The following CRPPA variants were observed in gnomAD, a reference collection of about 807,000 sequenced individuals.
The protein encoded by CRPPA is CDP-L-ribitol pyrophosphorylase A.
A neutral mutation model predicts 52.0 loss-of-function variants in CRPPA; 43 were observed. The observed-to-expected ratio is 0.83, with a 90% CI of 0.65 to 1.07. The LOEUF (loss-of-function observed/expected upper bound fraction) is 1.07, where lower values mean the gene tolerates loss of function less well. Ranked by LOEUF, CRPPA falls within the 50% of genes least tolerant of loss-of-function variation. The pLI is 0.00. For missense variants in CRPPA, 629 were observed against 551.7 expected (o/e 1.14, Z -1.40); for synonymous variants, 250 against 203.5 (o/e 1.23, Z -1.94).
rs1781832229 is a variant in CRPPA at position 16,091,323 on chromosome 7, T to G, written c.*372A>C. 5.8e-6 allele frequency: 1 copy of G among 172,438 alleles called. No homozygotes were observed. The highest frequency in any genetic ancestry group is 1.4e-4 in the South Asian group (1 of 7,166). The allele number at this position is 172,438 out of a possible 1,614,324, so 10.7% of individuals were successfully genotyped here. ...CCATTAGCTTCATAATAGTGTAAAT[T>G]ATTAATTAACAGTTAGGATAATAAC... On this transcript the variant is annotated 3_prime_UTR_variant, in exon 10 of 10. Transcript: ENST00000407010.
At chr7:16,176,753 C>CA (rs35383612) in intron 9 of CRPPA, among the ~76,000 whole-genome samples, 62,190 of 151,434 alleles carry the variant, frequency 0.41, 13,552 homozygotes, top group South Asian at 0.62. Flanking sequence ...AATTATTCTC[C>CA]TAAAGTTAAA....
chr7:16,242,980 TAATC>T (rs1225918918), intron 8 of CRPPA, among the ~76,000 whole-genome samples: 1 of 152,202 alleles, frequency 6.6e-6, no homozygotes, highest in African/African-American at 2.4e-5. Context: ...TTACTTCAAG[TAATC>T]AATATCACCA....
At chr7:16,304,066 C>G (rs1784852256) in intron 4 of CRPPA, among the ~76,000 whole-genome samples, 1 of 151,992 alleles carries the variant, frequency 6.6e-6, no homozygotes, top group Admixed American at 6.6e-5. Context: ...TAGTAAGAGA[C>G]CAAGTTAATT....
intron 3 of CRPPA, among the ~76,000 whole-genome samples, chr7:16,359,958 A>G (rs1174853527): frequency 6.6e-6 from 1 of 152,094 alleles, no homozygotes; most frequent in African/African-American, 2.4e-5. Context: ...TAACAACTCT[A>G]TTATTGTTGT....
chr7:16,149,082 A>T (rs1783027085), intron 9 of CRPPA, among the ~76,000 whole-genome samples: 1 of 152,170 alleles, frequency 6.6e-6, no homozygotes, highest in Admixed American at 6.5e-5. Flanking sequence ...CATGAATCCT[A>T]GCCAATAAAC....
At chr7:16,143,220 T>G (rs1402689325) in intron 9 of CRPPA, among the ~76,000 whole-genome samples, 1 of 152,088 alleles carries the variant, frequency 6.6e-6, no homozygotes, top group African/African-American at 2.4e-5. Context: ...TTTTCCTCTC[T>G]GGGAGTGAAG....
chr7:16,310,081 T>A (rs1260834402), intron 3 of CRPPA, among the ~76,000 whole-genome samples: 1 of 152,050 alleles, frequency 6.6e-6, no homozygotes, highest in Admixed American at 6.6e-5. Context: ...AGTAGCAAGA[T>A]GATTTTAGAC....
intron 9 of CRPPA, among the ~76,000 whole-genome samples, chr7:16,153,892 T>C (rs1336773365): frequency 6.6e-6 from 1 of 152,054 alleles, no homozygotes; most frequent in Non-Finnish European, 1.5e-5. Flanking sequence ...ATTTTAATTT[T>C]TTAATGAAAA....
At chr7:16,208,118 C>G (rs1390888472) in intron 9 of CRPPA, among the ~76,000 whole-genome samples, 1 of 152,090 alleles carries the variant, frequency 6.6e-6, no homozygotes, top group Non-Finnish European at 1.5e-5. Context: ...CTTCACTAAC[C>G]TGAATCAAAA....
chr7:16,286,101 T>G lies in CRPPA; in HGVS notation c.836-7875A>C, dbSNP rs979506336. 8.6e-4 allele frequency among the ~76,000 whole-genome samples: 59 copies of G among 68,820 alleles called. 5 individuals carry two copies. The highest frequency in any genetic ancestry group is 3.5e-3 in the African/African-American group (56 of 15,946). The allele number at this position is 68,820 out of a possible 152,430, so 45.1% of individuals were successfully genotyped here. A position where few individuals can be genotyped will look rare whatever the true frequency, so the allele number is the denominator to read the frequency against. ...TATATAATATTTAAAAAAAAAAATA[T>G]ATATATATATATATATGCCAAAAAG... On this transcript the variant is annotated intron_variant, in intron 5 of 9. Coordinates refer to ENST00000407010, the MANE Select transcript of CRPPA (RefSeq NM_001101426.4).
rs1781754498 is a variant in CRPPA, at chr7:16,088,852, G to T, written c.*2843C>A. ...CTCCAGGACTTTCACCTAGTCCCTG[G>T]ACATAAGTGTCCCACCCTTCTTGTC... On this transcript the variant is annotated 3_prime_UTR_variant, in exon 10 of 10. Coordinates refer to ENST00000407010, the MANE Select transcript of CRPPA (RefSeq NM_001101426.4). 5.8e-6 allele frequency: 1 copy of T among 171,706 alleles called. No individual in the cohort carries two copies. Among genetic ancestry groups the T allele is most frequent in the Non-Finnish European group, 1.3e-5 (1 of 77,930 alleles). 10.6% of individuals were successfully genotyped at this position (171,706 alleles called of 1,614,324 possible). A position where few individuals can be genotyped will look rare whatever the true frequency, so the allele number is the denominator to read the frequency against.
chr7:16,115,934 G>A (rs930870865), intron 9 of CRPPA, among the ~76,000 whole-genome samples: 7 of 152,116 alleles, frequency 4.6e-5, no homozygotes, highest in Admixed American at 4.6e-4. Context: ...ATCTTTATTG[G>A]AAAATTCCAA....
chr7:16,205,256 A>T (rs1781948620), intron 9 of CRPPA, among the ~76,000 whole-genome samples: 1 of 152,174 alleles, frequency 6.6e-6, no homozygotes, highest in African/African-American at 2.4e-5. Flanking sequence ...AATTAACCTG[A>T]TGTAACCCTG....
At chr7:16,155,573 C>G (rs1187650164) in intron 9 of CRPPA, among the ~76,000 whole-genome samples, 3 of 152,206 alleles carry the variant, frequency 2.0e-5, no homozygotes, top group African/African-American at 7.2e-5. Context: ...TGATCTGCTT[C>G]CATTTGAGGA....
At position 16,328,877 on chromosome 7, in the gene CRPPA, G is replaced by T. The variant is rs561640355; in HGVS notation, c.685-20250C>A. Among the ~76,000 whole-genome samples, 389 of 152,088 alleles carry T rather than the reference G, an allele frequency of 2.6e-3. 2 individuals carry two copies. Among genetic ancestry groups the T allele is most frequent in the African/African-American group, 8.8e-3 (364 of 41,480 alleles). Reference sequence around the variant, plus strand: ...GAGAGAGAATATATGGCAATTTGGGGTTTCTTTTAAACATGATAGCCTGCC... The same window carrying T: ...GAGAGAGAATATATGGCAATTTGGGTTTTCTTTTAAACATGATAGCCTGCC... On this transcript the variant is annotated intron_variant, in intron 3 of 9. Transcript: ENST00000407010.
intron 2 of CRPPA, among the ~76,000 whole-genome samples, chr7:16,389,345 A>G (rs1027878802): frequency 2.0e-5 from 3 of 152,242 alleles, no homozygotes; most frequent in Admixed American, 2.0e-4. Context: ...AAACAGATGC[A>G]AAAATTCTCA....
chr7:16,398,474 T>C (rs924899436), intron 2 of CRPPA, among the ~76,000 whole-genome samples: 5 of 151,926 alleles, frequency 3.3e-5, no homozygotes, highest in Non-Finnish European at 7.4e-5. Flanking sequence ...GCGATTGACA[T>C]GATTGGCACA....
chr7:16,241,345 C>A, intron 8 of CRPPA, among the ~76,000 whole-genome samples: 1 of 152,010 alleles, frequency 6.6e-6, no homozygotes, highest in East Asian at 1.9e-4. Context: ...TATTAAAATT[C>A]CCCCTGGTAA....
chr7:16,210,089 ACCCTATG>A (rs1327287365), intron 9 of CRPPA, among the ~76,000 whole-genome samples: 1 of 152,114 alleles, frequency 6.6e-6, no homozygotes, highest in Admixed American at 6.6e-5. Context: ...CCTTTCTAAC[ACCCTATG>A]CCCTCTTCCA....
Sources: allele counts gnomAD v4.1 joint callset (sites outside exome capture counted in the v4.1 genomes callset), GRCh38; gene constraint gnomAD v4.1.1; transcripts MANE v1.5; gene names NCBI Gene and HGNC (gene_info 2026-07-23, HGNC 2026-07-21).